PTPRK: variants seen among roughly 807,000 people sequenced by gnomAD.
PTPRK encodes the protein protein tyrosine phosphatase receptor type K.
Under a neutral mutation model 178.0 loss-of-function variants are expected in PTPRK, and 75 were observed. The observed-to-expected ratio is 0.42, with a 90% CI of 0.35 to 0.51. PTPRK has a LOEUF of 0.51. Ranked by LOEUF, PTPRK falls within the 20% of genes least tolerant of loss-of-function variation. The pLI is 0.02. For missense variants in PTPRK, 1,441 were observed against 1,797.8 expected, an observed-to-expected ratio of 0.80 and a Z score of 3.59; for synonymous variants, 637 against 620.6, an observed-to-expected ratio of 1.03 and a Z score of -0.39.
In PTPRK at chr6:128,464,648, T is replaced by C. The variant is rs1158177064; in HGVS notation, c.100+55611A>G. Among the ~76,000 whole-genome samples, 250 of 93,956 alleles carry C rather than the reference T, an allele frequency of 2.7e-3. 5 individuals are homozygous for C. Among genetic ancestry groups the C allele is most frequent in the African/African-American group, 0.012 (230 of 19,218 alleles). 61.6% of individuals were successfully genotyped at this position (93,956 alleles called of 152,430 possible). A position where few individuals can be genotyped will look rare whatever the true frequency, so the allele number is the denominator to read the frequency against. On this transcript the variant is annotated intron_variant, in intron 1 of 29. Transcript: ENST00000368226. ...ATATATATATATACACATATATATA[T>C]ATATATATATATATATATATATATA...
chr6:128,441,341 A>G (rs1025711498), intron 1 of PTPRK, among the ~76,000 whole-genome samples: 2 of 152,156 alleles, frequency 1.3e-5, no homozygotes, highest in African/African-American at 4.8e-5. Context: ...ACATGAAGTG[A>G]AATGGAAACT....
chr6:128,386,270 G>A (rs1838706687), intron 2 of PTPRK, among the ~76,000 whole-genome samples: 1 of 152,052 alleles, frequency 6.6e-6, no homozygotes, highest in Admixed American at 6.6e-5. Flanking sequence ...TGTACAAATT[G>A]TTTGATTAAG....
chr6:128,141,704 A>C (rs1795794400), intron 7 of PTPRK, among the ~76,000 whole-genome samples: 3 of 151,918 alleles, frequency 2.0e-5, no homozygotes, highest in Admixed American at 1.3e-4. Flanking sequence ...GTATTAACTC[A>C]ATTTTGATAG....
chr6:128,376,950 A>G (rs144444526), intron 2 of PTPRK, among the ~76,000 whole-genome samples: 45 of 152,274 alleles, frequency 3.0e-4, no homozygotes, highest in African/African-American at 1.1e-3. Flanking sequence ...TTCATTGTCG[A>G]TATCATTATC....
chr6:127,982,039 C>T (rs1562377856), intron 24 of PTPRK, among the ~76,000 whole-genome samples: 1 of 151,896 alleles, frequency 6.6e-6, no homozygotes, highest in Non-Finnish European at 1.5e-5. Context: ...GAGGTTTTGC[C>T]ATGTTGGCCA....
chr6:128,033,275 G>C (rs1582622990), intron 13 of PTPRK, among the ~76,000 whole-genome samples: 2 of 152,284 alleles, frequency 1.3e-5, no homozygotes, highest in Non-Finnish European at 2.9e-5. Context: ...GAGAATATCA[G>C]GAGATACTGA....
intron 2 of PTPRK, among the ~76,000 whole-genome samples, chr6:128,360,020 A>G (rs1834516901): frequency 6.6e-6 from 1 of 152,138 alleles, no homozygotes; most frequent in Non-Finnish European, 1.5e-5. Context: ...TCATCAATAA[A>G]TATCTATTTC....
chr6:128,196,984 T>C (rs1382602026), intron 6 of PTPRK, among the ~76,000 whole-genome samples: 2 of 152,056 alleles, frequency 1.3e-5, no homozygotes, highest in East Asian at 1.9e-4. Flanking sequence ...GTAAGACGAA[T>C]AAAGAATTGA....
chr6:128,104,098 A>G (rs1329861446), intron 7 of PTPRK, among the ~76,000 whole-genome samples: 1 of 152,238 alleles, frequency 6.6e-6, no homozygotes, highest in Non-Finnish European at 1.5e-5. Context: ...CGCCTCCTGT[A>G]AGGCTTTATT....
chr6:128,397,578 C>T lies in PTPRK; in HGVS notation c.211G>A (p.Glu71Lys), dbSNP rs983513819. The T allele has an allele frequency of 6.2e-7, 1 of 1,613,876 alleles. No homozygotes were observed. Among genetic ancestry groups the T allele is most frequent in the African/African-American group, 1.3e-5 (1 of 74,990 alleles). The change falls in exon 2 of 30, where the codon GAG becomes AAG. Residue 71 changes from glutamate (E) to lysine (K), a missense_variant. Coordinates refer to ENST00000368226, the MANE Select transcript of PTPRK (RefSeq NM_002844.4). ...GAGTGACTCTCACCTTGGGGCATCT[C>T]GGGTGGTAGATAATGAGGCTCTTGA... ...SAQEPHYLPP[E>K]MPQGSYMIVD...
At chr6:128,163,426 C>T (rs1477737780) in intron 7 of PTPRK, among the ~76,000 whole-genome samples, 1 of 151,390 alleles carries the variant, frequency 6.6e-6, no homozygotes, top group Admixed American at 6.6e-5. Flanking sequence ...CTAAAATAAT[C>T]TGAATATAAA....
At chr6:128,456,773 G>A (rs1848446110) in intron 1 of PTPRK, among the ~76,000 whole-genome samples, 1 of 152,088 alleles carries the variant, frequency 6.6e-6, no homozygotes, top group African/African-American at 2.4e-5. Flanking sequence ...AGTTTTACTT[G>A]CAACCATCAC....
At chr6:128,084,603 T>C (rs1785417215) in intron 8 of PTPRK, among the ~76,000 whole-genome samples, 1 of 152,202 alleles carries the variant, frequency 6.6e-6, no homozygotes, top group Non-Finnish European at 1.5e-5. Context: ...CAGTCCTTAT[T>C]TGCAAATGTC....
intron 3 of PTPRK, among the ~76,000 whole-genome samples, chr6:128,246,901 C>T (rs1463865172): frequency 1.3e-5 from 2 of 152,190 alleles, no homozygotes; most frequent in Admixed American, 6.5e-5. Flanking sequence ...GGATTATTAA[C>T]TAAATAAGTG....
At chr6:128,051,787 T>C (rs1779045488) in intron 13 of PTPRK, among the ~76,000 whole-genome samples, 1 of 152,166 alleles carries the variant, frequency 6.6e-6, no homozygotes, top group South Asian at 2.1e-4. Flanking sequence ...TTCTCCACAC[T>C]TTTATTTCTA....
At chr6:128,517,472 C>G (rs988467257) in intron 1 of PTPRK, among the ~76,000 whole-genome samples, 1 of 152,080 alleles carries the variant, frequency 6.6e-6, no homozygotes, top group African/African-American at 2.4e-5. Context: ...TCTTCTATGC[C>G]TCGGTTTCCT....
At chr6:128,146,424 ATGTGTGTGTGTGTGTGTG>A (rs35899707) in intron 7 of PTPRK, among the ~76,000 whole-genome samples, 2 of 135,904 alleles carry the variant, frequency 1.5e-5, no homozygotes, top group Non-Finnish European at 1.6e-5. Context: ...GTGTGTGTTT[ATGTGTGTGTGTGTGTGTG>A]TGTGTGTGTG....
At chr6:128,259,116 G>A (rs1817793724) in intron 3 of PTPRK, among the ~76,000 whole-genome samples, 1 of 152,116 alleles carries the variant, frequency 6.6e-6, no homozygotes, top group African/African-American at 2.4e-5. Context: ...GGAAAGCATG[G>A]ATTTTTAGCA....
chr6:127,985,466 T>C (rs6899650), intron 22 of PTPRK, among the ~76,000 whole-genome samples: 58,868 of 152,094 alleles, frequency 0.39, 11,411 homozygotes, highest in East Asian at 0.44. Flanking sequence ...GATGTTGCCA[T>C]TAAAAGGCAG....
Sources: allele counts gnomAD v4.1 joint callset (sites outside exome capture counted in the v4.1 genomes callset), GRCh38; gene constraint gnomAD v4.1.1; transcripts MANE v1.5; gene names NCBI Gene and HGNC (gene_info 2026-07-23, HGNC 2026-07-21).